The following ACYP2 variants were observed in gnomAD, a reference collection of about 807,000 sequenced individuals.
The protein encoded by ACYP2 is acylphosphatase 2.
ACYP2 carries 12 observed loss-of-function variants against 11.2 expected under a neutral mutation model. The ratio of observed to expected loss-of-function variants is 1.08; its 90% CI spans 0.69 to 1.74. The LOEUF (loss-of-function observed/expected upper bound fraction) is 1.74. ACYP2 is among the 40% of genes most tolerant of loss of function. The pLI, the probability that ACYP2 is intolerant of heterozygous loss-of-function variation, is 0.00. For missense variants in ACYP2, 134 were observed against 101.9 expected (o/e 1.31, Z -1.35); for synonymous variants, 43 against 32.2 (o/e 1.33, Z -1.13).
chr2:54,094,468 A>G (rs943742034), intron 4 of ACYP2, among the ~76,000 whole-genome samples: 5 of 151,944 alleles, frequency 3.3e-5, no homozygotes. Flanking sequence ...ACCTCAGGTG[A>G]TCTACCCACC....
chr2:54,016,408 T>A (rs1673684021), intron 2 of ACYP2, among the ~76,000 whole-genome samples: 1 of 151,554 alleles, frequency 6.6e-6, no homozygotes. Flanking sequence ...AGGCTCAAAT[T>A]TCTCTGACCA....
intron 6 of ACYP2, chr2:54,256,019 C>T (rs1449975402): frequency 9.9e-6 from 16 of 1,614,154 alleles, no homozygotes; most frequent in East Asian, 4.5e-5. Flanking sequence ...ACGATTGGCT[C>T]CAAGCGGCCA....
rs554240107 is a variant in ACYP2, at chr2:54,130,445, T to C, written c.278-5008T>C. 3.9e-5 allele frequency among the ~76,000 whole-genome samples: 6 copies of C among 152,236 alleles called. No individual in the cohort carries two copies. The East Asian group carries it at 1.2e-3, about 29-fold the overall frequency. ...ACCAGAATACATTTCATTTCCAGTG[T>C]AGTGGGAGCCCCTGTGGGCTTTTAA... is the stretch of plus-strand genomic sequence containing the variant. On this transcript the variant is annotated intron_variant, in intron 4 of 6. Transcript: ENST00000607452.
chr2:54,282,484 C>G (rs1438956858), intron 6 of ACYP2, among the ~76,000 whole-genome samples: 3 of 152,220 alleles, frequency 2.0e-5, no homozygotes, highest in Non-Finnish European at 4.4e-5. Context: ...TGACCTGGAA[C>G]AAAGTTCTGC....
chr2:54,196,948 A>G (rs1684507200), intron 6 of ACYP2, among the ~76,000 whole-genome samples: 1 of 152,232 alleles, frequency 6.6e-6, no homozygotes, highest in Non-Finnish European at 1.5e-5. Flanking sequence ...GCTGGACACC[A>G]TGATGAGAAC....
chr2:54,048,161 C>T lies in ACYP2; in HGVS notation c.63-2797C>T, dbSNP rs573974301. ...TTTTTGTAGGCCAGGCGCAGTGGCTCATGTCTGTAATCCCAGCGCTTTGGG... is the reference window on the plus strand; with the variant it reads ...TTTTTGTAGGCCAGGCGCAGTGGCTTATGTCTGTAATCCCAGCGCTTTGGG... On this transcript the variant is annotated intron_variant, in intron 2 of 6. Coordinates refer to ENST00000607452, the MANE Select transcript of ACYP2 (RefSeq NM_001320586.2). Among the ~76,000 whole-genome samples the T allele has an allele frequency of 2.0e-5, 3 of 152,218 alleles. No homozygotes were observed. In the East Asian group the frequency reaches 5.8e-4, roughly 29 times the overall value.
intron 6 of ACYP2, among the ~76,000 whole-genome samples, chr2:54,170,075 A>C (rs1484737323): frequency 2.0e-5 from 3 of 152,092 alleles, no homozygotes; most frequent in Non-Finnish European, 4.4e-5. Context: ...ATGCATCAGC[A>C]GTCAGTTTTT....
intron 2 of ACYP2, among the ~76,000 whole-genome samples, chr2:54,035,270 T>C (rs1014474158): frequency 4.1e-5 from 6 of 146,152 alleles, no homozygotes; most frequent in African/African-American, 7.5e-5. Context: ...TTTTTCTTTT[T>C]TTTTTTTTTT....
intron 4 of ACYP2, among the ~76,000 whole-genome samples, chr2:54,081,472 A>G (rs942021888): frequency 6.6e-6 from 1 of 152,190 alleles, no homozygotes; most frequent in African/African-American, 2.4e-5. Flanking sequence ...ACTGGGTTGC[A>G]ACTGCCTACA....
chr2:54,196,908 C>T (rs963045584), intron 6 of ACYP2, among the ~76,000 whole-genome samples: 29 of 152,084 alleles, frequency 1.9e-4, no homozygotes, highest in Non-Finnish European at 4.0e-4. Context: ...GTATTACGAG[C>T]GAAGTAGTAC....
chr2:54,138,456 A>G (rs1164144405), intron 5 of ACYP2, among the ~76,000 whole-genome samples, 183 bp from the exon 3 acceptor site: 1 of 152,248 alleles, frequency 6.6e-6, no homozygotes, highest in Admixed American at 6.5e-5. Flanking sequence ...AAATTTAACA[A>G]AAGATACCAT....
At chr2:54,039,093 T>C (rs1675077526) in intron 2 of ACYP2, among the ~76,000 whole-genome samples, 1 of 151,862 alleles carries the variant, frequency 6.6e-6, no homozygotes, top group Admixed American at 6.6e-5. Flanking sequence ...CGTGCTCCTA[T>C]AATAGAACAG....
intron 4 of ACYP2, among the ~76,000 whole-genome samples, chr2:54,083,954 T>A (rs1677806408): frequency 6.6e-6 from 1 of 152,158 alleles, no homozygotes; most frequent in African/African-American, 2.4e-5. Context: ...AAAGTGAATA[T>A]TTAAACAGAA....
At chr2:54,122,366 G>A (rs1680210134) in intron 4 of ACYP2, among the ~76,000 whole-genome samples, 1 of 152,168 alleles carries the variant, frequency 6.6e-6, no homozygotes, top group African/African-American at 2.4e-5. Flanking sequence ...AGTTGTAGTG[G>A]ACTGGACCTT....
intron 6 of ACYP2, among the ~76,000 whole-genome samples, chr2:54,242,183 C>T (rs1469598037): frequency 6.6e-6 from 1 of 152,196 alleles, no homozygotes; most frequent in African/African-American, 2.4e-5. Flanking sequence ...AAACCATGCA[C>T]AGCATTACAG....
intron 6 of ACYP2, among the ~76,000 whole-genome samples, chr2:54,197,929 T>G (rs182411483): frequency 6.4e-4 from 78 of 120,932 alleles, no homozygotes; most frequent in East Asian, 1.1e-3. Flanking sequence ...TTTATTTTAT[T>G]TATGTATGTA....
At chr2:54,032,529 C>G in intron 2 of ACYP2, among the ~76,000 whole-genome samples, 1 of 152,146 alleles carries the variant, frequency 6.6e-6, no homozygotes, top group East Asian at 1.9e-4. Context: ...GTTACTGTAG[C>G]TTTGTAGTAT....
chr2:54,002,401 G>A (rs183828308), intron 2 of ACYP2, among the ~76,000 whole-genome samples: 2 of 147,692 alleles, frequency 1.4e-5, no homozygotes, highest in African/African-American at 2.5e-5. Flanking sequence ...GCTGGAGTGC[G>A]GTGGCACAAT....
chr2:54,138,367 T>C (rs1681388480), intron 5 of ACYP2, among the ~76,000 whole-genome samples: 1 of 152,208 alleles, frequency 6.6e-6, no homozygotes, highest in East Asian at 1.9e-4. Flanking sequence ...TCATAGGAAC[T>C]GTTTCTGAAA....
Sources: gnomAD v4.1 joint callset for allele counts (sites outside exome capture counted in the v4.1 genomes callset) on GRCh38, gnomAD v4.1.1 for gene constraint, MANE v1.5 for transcripts, NCBI Gene and HGNC (gene_info 2026-07-23, HGNC 2026-07-21) for gene names.